Variants in ZNF804B observed in about 807,000 individuals in gnomAD.
ZNF804B encodes the protein zinc finger protein 804B.
A neutral mutation model predicts 101.4 loss-of-function variants in ZNF804B; 80 were observed. That is an observed-to-expected ratio of 0.79 (90% CI 0.66 to 0.95). The LOEUF (loss-of-function observed/expected upper bound fraction) is 0.95, where lower values mean the gene tolerates loss of function less well. Among genes scored for constraint, ZNF804B ranks in the 40% least tolerant of loss-of-function variants. The pLI, the probability that ZNF804B is intolerant of heterozygous loss-of-function variation, is 0.00. For synonymous variants in ZNF804B, 622 were observed against 558.8 expected (o/e 1.11, Z -1.59); for missense variants, 1,673 against 1,561.9 (o/e 1.07, Z -1.20).
At chr7:88,989,604 A>G (rs771412187) in intron 1 of ZNF804B, among the ~76,000 whole-genome samples, 2 of 152,128 alleles carry the variant, frequency 1.3e-5, no homozygotes, top group Non-Finnish European at 2.9e-5. Context: ...TTCTCCCCAG[A>G]TGATTTTAGA....
At position 89,219,995 on chromosome 7, in the gene ZNF804B, ATG is replaced by A. The variant is rs1562920189; in HGVS notation, c.249+1702_249+1703del. Among the ~76,000 whole-genome samples, 6 of 143,024 alleles carry A rather than the reference ATG, an allele frequency of 4.2e-5. 1 individual carries two copies. Among genetic ancestry groups the A allele is most frequent in the African/African-American group, 1.6e-4 (6 of 37,330 alleles). 93.8% of individuals were successfully genotyped at this position (143,024 alleles called of 152,430 possible). A position where few individuals can be genotyped will look rare whatever the true frequency, so the allele number is the denominator to read the frequency against. ...TATGTATATACATATGTGTGCATAT[ATG>A]TATATGCACATATATGTGTGTATAC... is the stretch of plus-strand genomic sequence containing the variant. On this transcript the variant is annotated intron_variant, in intron 2 of 3. Transcript: ENST00000333190.
intron 1 of ZNF804B, among the ~76,000 whole-genome samples, chr7:89,050,166 T>TA (rs977994636): frequency 6.6e-6 from 1 of 152,098 alleles, no homozygotes; most frequent in Admixed American, 6.6e-5. Context: ...GATAAAGTTT[T>TA]AAAAAAATTT....
chr7:89,004,110 G>C (rs951217584), intron 1 of ZNF804B, among the ~76,000 whole-genome samples: 23 of 149,646 alleles, frequency 1.5e-4, no homozygotes, highest in Admixed American at 1.2e-3. Flanking sequence ...TTTTTATTGT[G>C]GGCAAGGACT....
intron 1 of ZNF804B, among the ~76,000 whole-genome samples, chr7:89,028,424 T>C (rs1269069855): frequency 3.3e-5 from 5 of 152,098 alleles, no homozygotes; most frequent in African/African-American, 1.2e-4. Context: ...CAAACACCAG[T>C]TGAGGTTGGA....
At chr7:89,015,269 A>G (rs1464094272) in intron 1 of ZNF804B, among the ~76,000 whole-genome samples, 2 of 147,756 alleles carry the variant, frequency 1.4e-5, no homozygotes. Flanking sequence ...ATATTTTGAA[A>G]TCTGGTAATG....
intron 1 of ZNF804B, among the ~76,000 whole-genome samples, chr7:88,807,692 A>G (rs1241970330): frequency 1.3e-5 from 2 of 152,166 alleles, no homozygotes; most frequent in Non-Finnish European, 2.9e-5. Flanking sequence ...GAGCTATACA[A>G]TACAAAAGGT....
intron 2 of ZNF804B, among the ~76,000 whole-genome samples, chr7:89,251,061 T>G (rs1208828): frequency 0.24 from 36,311 of 152,050 alleles, 4,572 homozygotes; most frequent in Non-Finnish European, 0.27. Flanking sequence ...TCACCACTCT[T>G]ATTCAACATA....
intron 1 of ZNF804B, among the ~76,000 whole-genome samples, chr7:88,985,769 A>T (rs186373133): frequency 2.6e-5 from 4 of 152,230 alleles, no homozygotes; most frequent in Admixed American, 2.6e-4. Context: ...GTAACCATAG[A>T]CTTTTTGAAA....
intron 1 of ZNF804B, among the ~76,000 whole-genome samples, chr7:88,964,669 T>A (rs1166940250): frequency 1.3e-5 from 2 of 151,616 alleles, no homozygotes; most frequent in East Asian, 3.9e-4. Flanking sequence ...AACAGTTAAA[T>A]GGTGAAGTTG....
At chr7:89,235,809 A>G (rs1789270482) in intron 2 of ZNF804B, among the ~76,000 whole-genome samples, 1 of 151,832 alleles carries the variant, frequency 6.6e-6, no homozygotes, top group African/African-American at 2.4e-5. Flanking sequence ...GAAATGAAAT[A>G]CTCTTATTTG....
chr7:88,947,667 A>C (rs1431287422), intron 1 of ZNF804B, among the ~76,000 whole-genome samples: 2 of 151,892 alleles, frequency 1.3e-5, no homozygotes, highest in Non-Finnish European at 2.9e-5. Flanking sequence ...CTTAAAGTAT[A>C]TATAAAAAAG....
chr7:88,772,733 T>C (rs948744573), intron 1 of ZNF804B, among the ~76,000 whole-genome samples: 2 of 152,284 alleles, frequency 1.3e-5, no homozygotes, highest in African/African-American at 4.8e-5. Context: ...AACTGCAAAC[T>C]CAAAATTTCT....
chr7:89,137,681 G>A (rs1227637321), intron 1 of ZNF804B, among the ~76,000 whole-genome samples: 2 of 152,130 alleles, frequency 1.3e-5, no homozygotes, highest in African/African-American at 4.8e-5. Context: ...AAAATTTGCA[G>A]CCTGACAATG....
At chr7:89,007,094 T>G (rs1788378131) in intron 1 of ZNF804B, among the ~76,000 whole-genome samples, 1 of 152,086 alleles carries the variant, frequency 6.6e-6, no homozygotes, top group African/African-American at 2.4e-5. Context: ...AAGTTTCCTT[T>G]AATTCATTCT....
chr7:89,252,307 A>G (rs1789554032), intron 2 of ZNF804B, among the ~76,000 whole-genome samples: 1 of 152,110 alleles, frequency 6.6e-6, no homozygotes, highest in African/African-American at 2.4e-5. Flanking sequence ...ATGAAAAAAT[A>G]TCAAAACCAC....
At chr7:88,949,445 A>G (rs537924863) in intron 1 of ZNF804B, among the ~76,000 whole-genome samples, 1 of 151,892 alleles carries the variant, frequency 6.6e-6, no homozygotes, top group Non-Finnish European at 1.5e-5. Context: ...GTTCTTTGCT[A>G]TTTCATTTAC....
chr7:88,851,068 G>A (rs1258445966), intron 1 of ZNF804B, among the ~76,000 whole-genome samples: 3 of 152,076 alleles, frequency 2.0e-5, no homozygotes, highest in Middle Eastern at 3.4e-3. Context: ...AGAGAACTTG[G>A]AAACAGCAGT....
intron 2 of ZNF804B, among the ~76,000 whole-genome samples, chr7:89,237,238 C>A (rs117121311): frequency 0.041 from 6,174 of 152,078 alleles, 134 homozygotes; most frequent in Non-Finnish European, 0.049. Context: ...ATATAGTTAG[C>A]TGATTAGAAG....
chr7:89,145,244 T>C (rs548263410), intron 1 of ZNF804B, among the ~76,000 whole-genome samples: 2 of 152,136 alleles, frequency 1.3e-5, no homozygotes, highest in African/African-American at 2.4e-5. Flanking sequence ...TAAAAAATAT[T>C]GCCAATTAAC....
Sources: gnomAD v4.1 joint callset for allele counts (sites outside exome capture counted in the v4.1 genomes callset) on GRCh38, gnomAD v4.1.1 for gene constraint, MANE v1.5 for transcripts, NCBI Gene and HGNC (gene_info 2026-07-23, HGNC 2026-07-21) for gene names.